POLK: variants seen among roughly 807,000 people sequenced by gnomAD.
POLK encodes polymerase (DNA directed) kappa.
POLK carries 76 observed loss-of-function variants against 94.0 expected under a neutral mutation model. That is an observed-to-expected ratio of 0.81 (90% CI 0.67 to 0.98). POLK has a LOEUF of 0.98. Ranked by LOEUF, POLK falls within the 50% of genes least tolerant of loss-of-function variation. The pLI, the probability that POLK is intolerant of heterozygous loss-of-function variation, is 0.00. For synonymous variants in POLK, 349 were observed against 325.4 expected (o/e 1.07, Z -0.78); for missense variants, 954 against 1,010.1 (o/e 0.94, Z 0.75).
chr5:75,581,280 A>G (rs894981954), exon 7 of POLK: 3 of 1,612,330 alleles, frequency 1.9e-6, no homozygotes, highest in Non-Finnish European at 2.5e-6. Flanking sequence ...TTTTGAAGAG[A>G]GTCCTTCTGA....
In POLK at chr5:75,569,328, T is replaced by A. The variant is rs749180721; in HGVS notation, c.256-12T>A. The A allele has an allele frequency of 1.9e-6, 3 of 1,591,160 alleles. No individual in the cohort carries two copies. Among genetic ancestry groups the A allele is most frequent in the East Asian group, 2.2e-5 (1 of 44,616 alleles). On this transcript the variant is annotated splice_polypyrimidine_tract_variant and intron_variant, in intron 3 of 14. Transcript: ENST00000241436. ...TTGTCTAAAAGTATGTTAACTTTTT[T>A]AAAAAATTAAGGTTGACAGATTTGC... is the stretch of plus-strand genomic sequence containing the variant.
At chr5:75,523,595 A>G (rs1048771665) in intron 1 of POLK, among the ~76,000 whole-genome samples, 1 of 152,204 alleles carries the variant, frequency 6.6e-6, no homozygotes, top group Non-Finnish European at 1.5e-5. Context: ...TGGAATGAGA[A>G]CCCAAACTGT....
In POLK at chr5:75,542,380, G is replaced by C. The variant is rs2335796; in HGVS notation, c.-13-4630G>C. 1.7e-4 allele frequency among the ~76,000 whole-genome samples: 25 copies of C among 150,742 alleles called. 1 individual carries two copies. The East Asian group carries it at 4.7e-3, about 28-fold the overall frequency. On this transcript the variant is annotated intron_variant, in intron 1 of 14. Transcript: ENST00000241436. ...CCTCCCCTTCTCTCTTATTACTTTTGGTATATTTTGCATATTTTCTGGTAG... is the reference window on the plus strand; with the variant it reads ...CCTCCCCTTCTCTCTTATTACTTTTCGTATATTTTGCATATTTTCTGGTAG...
intron 1 of POLK, among the ~76,000 whole-genome samples, chr5:75,538,366 G>A (rs1769559484): frequency 6.6e-6 from 1 of 152,144 alleles, no homozygotes; most frequent in African/African-American, 2.4e-5. Context: ...AAAAAATTAA[G>A]CTAACTTAAA....
At chr5:75,583,411 T>G in exon 8 of POLK, 1 of 1,593,454 alleles carries the variant, frequency 6.3e-7, no homozygotes, top group Non-Finnish European at 8.6e-7. Context: ...ATTTACCCAT[T>G]AGAAAGGTAA....
chr5:75,585,531 G>A (rs1271302867), intron 9 of POLK, among the ~76,000 whole-genome samples: 1 of 152,126 alleles, frequency 6.6e-6, no homozygotes, highest in Non-Finnish European at 1.5e-5. Context: ...AAGTGTGAGG[G>A]TTAGCAACCA....
At chr5:75,547,100 A>G in exon 2 of POLK, 2 of 1,525,960 alleles carry the variant, frequency 1.3e-6, no homozygotes, top group Non-Finnish European at 9.0e-7. Flanking sequence ...ATAATAAAGC[A>G]GGAATGGAAG....
At chr5:75,559,601 A>G (rs57312935) in intron 3 of POLK, among the ~76,000 whole-genome samples, 39,116 of 139,092 alleles carry the variant, frequency 0.28, 5,715 homozygotes, top group South Asian at 0.43. Flanking sequence ...TGGTGGTACC[A>G]TCATGGCTCA....
chr5:75,518,160 C>T (rs1561326996), intron 1 of POLK, among the ~76,000 whole-genome samples: 3 of 151,926 alleles, frequency 2.0e-5, no homozygotes, highest in South Asian at 4.2e-4. Context: ...GGAAGTATTC[C>T]CTCTTTAATT....
intron 1 of POLK, among the ~76,000 whole-genome samples, chr5:75,544,122 A>G (rs1356809549): frequency 6.6e-6 from 1 of 152,188 alleles, no homozygotes; most frequent in African/African-American, 2.4e-5. Flanking sequence ...CAGCCATGAG[A>G]TGCTGCACCC....
chr5:75,551,649 A>G (rs1341313334), intron 2 of POLK, among the ~76,000 whole-genome samples: 1 of 152,216 alleles, frequency 6.6e-6, no homozygotes, highest in African/African-American at 2.4e-5. Flanking sequence ...TAAAAATTTA[A>G]AAACCACAAA....
At chr5:75,568,627 A>G (rs550402925) in intron 3 of POLK, 31 of 414,220 alleles carry the variant, frequency 7.5e-5, no homozygotes, top group Admixed American at 9.2e-5. Context: ...TATATATTAA[A>G]GTTCATGAAG....
chr5:75,608,002 T>G, the POLK span, among the ~76,000 whole-genome samples: 4 of 152,214 alleles, frequency 2.6e-5, no homozygotes, highest in Admixed American at 1.3e-4. Context: ...GAACAGGACC[T>G]GGTTTTAAAG....
chr5:75,550,400 GA>G (rs1770276115), intron 2 of POLK, among the ~76,000 whole-genome samples: 1 of 152,070 alleles, frequency 6.6e-6, no homozygotes, highest in South Asian at 2.1e-4. Flanking sequence ...CCAATATGGT[GA>G]AACCCCGTCT....
At chr5:75,563,284 T>C (rs544600766) in intron 3 of POLK, among the ~76,000 whole-genome samples, 1 of 151,786 alleles carries the variant, frequency 6.6e-6, no homozygotes, top group African/African-American at 2.4e-5. Context: ...GGTCCTGGAC[T>C]TTTTTTTGGT....
At chr5:75,539,279 C>T (rs1193886391) in intron 1 of POLK, among the ~76,000 whole-genome samples, 1 of 151,120 alleles carries the variant, frequency 6.6e-6, no homozygotes, top group African/African-American at 2.4e-5. Flanking sequence ...CATGTTTTGG[C>T]AAGTCCCGAA....
downstream of POLK, among the ~76,000 whole-genome samples, chr5:75,603,402 C>T (rs1334477350): frequency 6.7e-6 from 1 of 148,872 alleles, no homozygotes; most frequent in Non-Finnish European, 1.5e-5. Context: ...CTATAAACAG[C>T]ATTCCCATAA....
At chr5:75,566,970 A>C (rs1386857668) in intron 3 of POLK, among the ~76,000 whole-genome samples, 3 of 152,222 alleles carry the variant, frequency 2.0e-5, no homozygotes. Context: ...AGAAACTTTT[A>C]AAAGCAGTAG....
chr5:75,569,803 G>A (rs567575494), intron 4 of POLK, among the ~76,000 whole-genome samples: 1 of 152,104 alleles, frequency 6.6e-6, no homozygotes, highest in Non-Finnish European at 1.5e-5. Context: ...CAGTATGCCC[G>A]AGCTCTGTCA....
Sources: gnomAD v4.1 joint callset for allele counts (sites outside exome capture counted in the v4.1 genomes callset) on GRCh38, gnomAD v4.1.1 for gene constraint, MANE v1.5 for transcripts, NCBI Gene and HGNC (gene_info 2026-07-23, HGNC 2026-07-21) for gene names.